The following PARD3 variants were observed in gnomAD, a reference collection of about 807,000 sequenced individuals.
The protein encoded by PARD3 is par-3 family cell polarity regulator.
A neutral mutation model predicts 155.4 loss-of-function variants in PARD3; 75 were observed. The ratio of observed to expected loss-of-function variants is 0.48; its 90% CI spans 0.40 to 0.58. The LOEUF (loss-of-function observed/expected upper bound fraction) is 0.58, where lower values mean the gene tolerates loss of function less well. Among genes scored for constraint, PARD3 ranks in the 20% least tolerant of loss-of-function variants. The pLI is 0.00. For missense variants in PARD3, 1,642 were observed against 1,721.7 expected (o/e 0.95, Z 0.82); for synonymous variants, 576 against 610.5 (o/e 0.94, Z 0.83).
intron 2 of PARD3, among the ~76,000 whole-genome samples, chr10:34,684,388 G>A (rs1347578121): frequency 1.3e-5 from 2 of 152,120 alleles, no homozygotes; most frequent in Non-Finnish European, 2.9e-5. Context: ...TGGATTCACA[G>A]ATTTATCTAC....
intron 2 of PARD3, among the ~76,000 whole-genome samples, chr10:34,605,734 A>C (rs1388899892): frequency 2.4e-5 from 1 of 40,862 alleles, no homozygotes; most frequent in Non-Finnish European, 3.9e-5. Flanking sequence ...CTATATATAT[A>C]TCTCCTATAT....
chr10:34,540,568 G>C (rs1253615451), intron 2 of PARD3, among the ~76,000 whole-genome samples: 1 of 152,180 alleles, frequency 6.6e-6, no homozygotes. Context: ...CAGGAGACCA[G>C]TCTGGACAAT....
At chr10:34,705,715 C>T (rs1280754979) in intron 1 of PARD3, among the ~76,000 whole-genome samples, 1 of 152,092 alleles carries the variant, frequency 6.6e-6, no homozygotes, top group African/African-American at 2.4e-5. Context: ...CTGCTCGGCC[C>T]CCATTCTCCA....
At chr10:34,790,998 A>T (rs1034583860) in intron 1 of PARD3, among the ~76,000 whole-genome samples, 16 of 152,182 alleles carry the variant, frequency 1.1e-4, no homozygotes, top group Admixed American at 9.2e-4. Context: ...ACACTTACTG[A>T]TCATTTCAGA....
chr10:34,764,447 T>G (rs940862860), intron 1 of PARD3, among the ~76,000 whole-genome samples: 2 of 152,194 alleles, frequency 1.3e-5, no homozygotes, highest in African/African-American at 4.8e-5. Context: ...GAGTGATACA[T>G]GTAGAAGAAT....
chr10:34,254,537 CGTGTGTGTGT>C (rs55901749), intron 22 of PARD3, among the ~76,000 whole-genome samples: 44,168 of 145,444 alleles, frequency 0.3, 6,824 homozygotes, highest in South Asian at 0.46. Context: ...GGTAGGTAAA[CGTGTGTGTGT>C]GTGTGTGTGT....
chr10:34,186,127 G>T (rs1950484080), intron 22 of PARD3, among the ~76,000 whole-genome samples: 1 of 151,776 alleles, frequency 6.6e-6, no homozygotes, highest in Non-Finnish European at 1.5e-5. Flanking sequence ...ACGAGCAGGG[G>T]GGAGGCATCA....
chr10:34,254,725 G>A (rs1476761103), intron 22 of PARD3, among the ~76,000 whole-genome samples: 1 of 152,046 alleles, frequency 6.6e-6, no homozygotes, highest in Non-Finnish European at 1.5e-5. Flanking sequence ...TATTGAGTGT[G>A]GTCTGCTATG....
rs148760321 is a variant in PARD3 at position 34,142,638 on chromosome 10, CGAAG to C, written c.3420-11059_3420-11056del. Reference sequence around the variant, plus strand: ...AAAGACGGATGGAAGGAAGAAAGGACGAAGGAAGGAAGGAAGGAAGGCAGGAAGG... The same window carrying C: ...AAAGACGGATGGAAGGAAGAAAGGACGAAGGAAGGAAGGAAGGCAGGAAGG... On this transcript the variant is annotated intron_variant, in intron 22 of 24. Coordinates refer to ENST00000374788, the MANE Select transcript of PARD3 (RefSeq NM_001184785.2). Among the ~76,000 whole-genome samples the C allele has an allele frequency of 4.0e-3, 594 of 146,810 alleles. 6 individuals carry two copies. The highest frequency in any genetic ancestry group is 0.037 in the East Asian group (192 of 5,130).
At chr10:34,470,296 A>T in intron 3 of PARD3, 33 bp from the exon 4 acceptor site, 1 of 1,486,354 alleles carries the variant, frequency 6.7e-7, no homozygotes, top group South Asian at 1.4e-5. Flanking sequence ...CTGAAAAATA[A>T]GATACTAATG....
intron 1 of PARD3, among the ~76,000 whole-genome samples, chr10:34,701,345 T>A (rs926232041): frequency 1.9e-4 from 29 of 151,828 alleles, no homozygotes; most frequent in Admixed American, 1.2e-3. Flanking sequence ...GTTGTTGTTG[T>A]TGTTGTTGTT....
chr10:34,723,382 GCCA>G (rs2094640491), intron 1 of PARD3, among the ~76,000 whole-genome samples: 1 of 152,152 alleles, frequency 6.6e-6, no homozygotes, highest in Non-Finnish European at 1.5e-5. Flanking sequence ...CGAGAAAAAG[GCCA>G]CCAATGATGG....
chr10:34,137,672 G>A (rs1947973521), intron 22 of PARD3, among the ~76,000 whole-genome samples: 1 of 152,180 alleles, frequency 6.6e-6, no homozygotes, highest in South Asian at 2.1e-4. Flanking sequence ...TATGCTGGGT[G>A]TATTCTTTGT....
chr10:34,504,091 T>G (rs1486780638), intron 3 of PARD3, among the ~76,000 whole-genome samples: 5 of 151,978 alleles, frequency 3.3e-5, no homozygotes, highest in Admixed American at 2.6e-4. Flanking sequence ...TCACTGCACT[T>G]CCACATTCAC....
intron 1 of PARD3, among the ~76,000 whole-genome samples, chr10:34,757,644 G>GA (rs1394409794): frequency 6.6e-6 from 1 of 151,950 alleles, no homozygotes; most frequent in Admixed American, 6.6e-5. Flanking sequence ...AAGGGAGGCA[G>GA]AGGTTGCAAT....
At chr10:34,602,547 G>A (rs756744464) in intron 2 of PARD3, among the ~76,000 whole-genome samples, 4 of 152,118 alleles carry the variant, frequency 2.6e-5, no homozygotes, top group Non-Finnish European at 5.9e-5. Context: ...GCACTAGAAT[G>A]GAGTAAAAAA....
At chr10:34,253,931 C>T (rs532129438) in intron 22 of PARD3, among the ~76,000 whole-genome samples, 18 of 152,070 alleles carry the variant, frequency 1.2e-4, no homozygotes, top group African/African-American at 3.1e-4. Flanking sequence ...GACTTGGAAG[C>T]GTGGGAGTGG....
intron 4 of PARD3, among the ~76,000 whole-genome samples, chr10:34,461,638 A>G (rs1031939977): frequency 2.0e-5 from 3 of 152,118 alleles, no homozygotes; most frequent in Non-Finnish European, 4.4e-5. Flanking sequence ...AAAAGATGAA[A>G]TGAGATCAAA....
chr10:34,499,057 A>T (rs2080486880), intron 3 of PARD3, among the ~76,000 whole-genome samples: 1 of 152,218 alleles, frequency 6.6e-6, no homozygotes, highest in Non-Finnish European at 1.5e-5. Context: ...GAAGACATAC[A>T]GCAGCCAAGT....
Sources: gnomAD v4.1 joint callset for allele counts (sites outside exome capture counted in the v4.1 genomes callset) on GRCh38, gnomAD v4.1.1 for gene constraint, MANE v1.5 for transcripts, NCBI Gene and HGNC (gene_info 2026-07-23, HGNC 2026-07-21) for gene names.